The following NEMF variants were observed in gnomAD, a reference collection of about 807,000 sequenced individuals.
The protein encoded by NEMF is ribosome quality control complex subunit NEMF.
NEMF carries 89 observed loss-of-function variants against 162.2 expected under a neutral mutation model. The observed-to-expected ratio is 0.55, with a 90% CI of 0.46 to 0.65. The LOEUF is 0.65. Among genes scored for constraint, NEMF ranks in the 30% least tolerant of loss-of-function variants. The pLI is 0.00. For missense variants in NEMF, 1,133 were observed against 1,261.9 expected (o/e 0.90, Z 1.55); for synonymous variants, 421 against 404.5 (o/e 1.04, Z -0.49).
chr14:49,849,072 G>A (rs1893652454), intron 3 of NEMF, among the ~76,000 whole-genome samples: 1 of 151,958 alleles, frequency 6.6e-6, no homozygotes, highest in Non-Finnish European at 1.5e-5. Context: ...ACTCACATAG[G>A]CAGAATAACT....
intron 3 of NEMF, among the ~76,000 whole-genome samples, chr14:49,849,033 C>T (rs3100890): frequency 0.97 from 147,479 of 152,144 alleles, 71,666 homozygotes; most frequent in East Asian, 1. Flanking sequence ...ACCTTATAGC[C>T]CAAATTGACT....
At chr14:49,806,437 T>A (rs896657934) in intron 18 of NEMF, among the ~76,000 whole-genome samples, 18 of 149,876 alleles carry the variant, frequency 1.2e-4, no homozygotes, top group African/African-American at 4.4e-4. Flanking sequence ...AATTTTTGTA[T>A]CTTTAGTAGA....
chr14:49,844,811 T>G (rs1202410339), intron 4 of NEMF: 3 of 428,208 alleles, frequency 7.0e-6, no homozygotes, highest in Non-Finnish European at 9.5e-6. Context: ...CTCTGTCACC[T>G]GAGCTGGAGT....
At chr14:49,810,006 A>G (rs769672247) in intron 18 of NEMF, among the ~76,000 whole-genome samples, 25 of 152,148 alleles carry the variant, frequency 1.6e-4, no homozygotes, top group East Asian at 1.9e-4. Flanking sequence ...AGCAGGGGGT[A>G]TGAGGGAAAT....
At chr14:49,804,083 C>T (rs1690258229) in intron 19 of NEMF, among the ~76,000 whole-genome samples, 1 of 151,094 alleles carries the variant, frequency 6.6e-6, no homozygotes, top group South Asian at 2.1e-4. Context: ...TGGCTCACTG[C>T]AATCTCCACC....
chr14:49,810,061 GA>G (rs1891400431), intron 18 of NEMF, among the ~76,000 whole-genome samples: 1 of 151,220 alleles, frequency 6.6e-6, no homozygotes, highest in South Asian at 2.1e-4. Context: ...AAAACTGGTC[GA>G]AAAAAATGTC....
At chr14:49,810,564 C>T (rs182406561) in intron 18 of NEMF, among the ~76,000 whole-genome samples, 116 of 152,224 alleles carry the variant, frequency 7.6e-4, no homozygotes, top group African/African-American at 2.5e-3. Flanking sequence ...CTGTAGAAAG[C>T]TTTAAAATCA....
chr14:49,789,381 T>A, intron 27 of NEMF, 38 bp from the exon 28 acceptor site: 1 of 1,610,278 alleles, frequency 6.2e-7, no homozygotes. Context: ...AGTGTTGTAT[T>A]TTCAATACTG....
intron 4 of NEMF, among the ~76,000 whole-genome samples, chr14:49,841,227 A>G (rs1253069778): frequency 6.6e-6 from 1 of 150,854 alleles, no homozygotes; most frequent in Admixed American, 6.6e-5. Context: ...AGGAAATAAA[A>G]AAACAAAACA....
At position 49,800,704 on chromosome 14, in the gene NEMF, A is replaced by C; in HGVS notation, c.2096-8T>G. 6.2e-7 allele frequency: 1 copy of C among 1,609,754 alleles called. No individual in the cohort carries two copies. The highest frequency in any genetic ancestry group is 8.5e-7 in the Non-Finnish European group (1 of 1,177,870). ...TGCTCGTGTCACCTCCATCTGTAGA[A>C]TTATCATAAGGAAAGTCAGTGTGGG... is the stretch of plus-strand genomic sequence containing the variant. On this transcript the variant is annotated splice_region_variant and splice_polypyrimidine_tract_variant and intron_variant, in intron 22 of 32. Coordinates refer to ENST00000298310, the MANE Select transcript of NEMF (RefSeq NM_004713.6).
At chr14:49,845,501 TA>T (rs1566712003) in intron 4 of NEMF, among the ~76,000 whole-genome samples, 1 of 152,246 alleles carries the variant, frequency 6.6e-6, no homozygotes, top group Non-Finnish European at 1.5e-5. Context: ...TTTTACTTTA[TA>T]AACTTTAAAC....
intron 4 of NEMF, among the ~76,000 whole-genome samples, chr14:49,841,934 C>T (rs1893233086): frequency 1.3e-5 from 2 of 151,856 alleles, no homozygotes. Flanking sequence ...GGAGAAACCC[C>T]GTCTCTACTA....
intron 8 of NEMF, 152 bp from the exon 9 acceptor site, chr14:49,832,429 T>C (rs1223661845): frequency 5.2e-6 from 3 of 572,304 alleles, no homozygotes; most frequent in East Asian, 6.3e-5. Context: ...CCTCCCGGGT[T>C]CAAGCAATTC....
At position 49,831,354 on chromosome 14, in the gene NEMF, T is replaced by A; in HGVS notation, c.890A>T (p.Asp297Val). 2 of 1,597,626 alleles carry A rather than the reference T, an allele frequency of 1.3e-6. No homozygotes were observed. The highest frequency in any genetic ancestry group is 2.2e-5 in the East Asian group (1 of 44,788). ...GCCTTCTATCTTGGAATAAAATTCA[T>A]CCACCGCCTTATTAAAAAAACAAAC... ...IEFESFDKAV[D>V]EFYSKIEGQK... Residue 297 changes from aspartate to valine, a missense_variant, in exon 11 of 33, where the codon GAT (aspartate) becomes GTT (valine). This residue lies in a region of NEMF where 582 missense variants were observed against 631.5 expected (regional missense o/e 0.92). Transcript: ENST00000298310.
At chr14:49,838,570 C>CA (rs1045592271) in intron 5 of NEMF, among the ~76,000 whole-genome samples, 16 of 146,260 alleles carry the variant, frequency 1.1e-4, no homozygotes, top group Non-Finnish European at 1.5e-5. Context: ...CATCGAACAA[C>CA]TTTTTTTTTG....
At chr14:49,827,210 G>A (rs574566864) in intron 15 of NEMF, among the ~76,000 whole-genome samples, 10 of 152,144 alleles carry the variant, frequency 6.6e-5, no homozygotes, top group South Asian at 2.1e-4. Flanking sequence ...TTTTTGAGAC[G>A]GAGTCTCGCT....
At chr14:49,826,647 C>T (rs1168292312) in intron 15 of NEMF, among the ~76,000 whole-genome samples, 2 of 151,790 alleles carry the variant, frequency 1.3e-5, no homozygotes, top group African/African-American at 4.8e-5. Flanking sequence ...GTCATGAAGG[C>T]CACTCATTTA....
chr14:49,787,333 TG>T (rs1435733260), intron 28 of NEMF, among the ~76,000 whole-genome samples: 1 of 152,220 alleles, frequency 6.6e-6, no homozygotes, highest in Non-Finnish European at 1.5e-5. Context: ...TTCTGAAGGC[TG>T]GGAAGTCCAG....
At chr14:49,826,081 AACACACAC>A (rs370441618) in intron 15 of NEMF, 126 bp from the exon 16 acceptor site, 4 of 554,844 alleles carry the variant, frequency 7.2e-6, no homozygotes, top group Non-Finnish European at 1.3e-5. Context: ...CACACACACA[AACACACAC>A]ACACACAAAT....
Sources: gnomAD v4.1 joint callset for allele counts (sites outside exome capture counted in the v4.1 genomes callset) on GRCh38, gnomAD v4.1.1 for gene constraint, gnomAD v4.1.1 regional missense constraint, MANE v1.5 for transcripts, NCBI Gene and HGNC (gene_info 2026-07-23, HGNC 2026-07-21) for gene names.